AGBL4: variants seen among roughly 807,000 people sequenced by gnomAD.
The protein encoded by AGBL4 is cytosolic carboxypeptidase 6.
In AGBL4, 58 loss-of-function variants were observed where a neutral mutation model predicts 66.4. The ratio of observed to expected loss-of-function variants is 0.87; its 90% CI spans 0.71 to 1.09. AGBL4 has a LOEUF of 1.09. AGBL4 is among the 50% of genes least tolerant of loss of function. The pLI is 0.00. For missense variants in AGBL4, 579 were observed against 631.0 expected, an observed-to-expected ratio of 0.92 and a Z score of 0.88; for synonymous variants, 234 against 222.9, an observed-to-expected ratio of 1.05 and a Z score of -0.44.
Position 49,433,203 on chromosome 1 carries a change from C to T in AGBL4, c.283-187339G>A, listed in dbSNP as rs139121514. On this transcript the variant is annotated intron_variant, in intron 3 of 13. Coordinates refer to ENST00000371839, the MANE Select transcript of AGBL4 (RefSeq NM_032785.4). ...GTGTTTTCCCAAGTTTTGTGAGCCA[C>T]TCTAGGAAATTAACCAAACCCAAAG... Among the ~76,000 whole-genome samples the T allele has an allele frequency of 3.8e-3, 572 of 152,218 alleles. 1 individual carries two copies. Among genetic ancestry groups the T allele is most frequent in the African/African-American group, 0.013 (533 of 41,530 alleles).
chr1:49,170,613 G>C (rs1173732457), intron 4 of AGBL4, among the ~76,000 whole-genome samples: 1 of 146,666 alleles, frequency 6.8e-6, no homozygotes, highest in Non-Finnish European at 1.5e-5. Flanking sequence ...ATATATTAAT[G>C]TGTATATATT....
chr1:49,039,904 C>T lies in AGBL4; in HGVS notation c.594+5680G>A, dbSNP rs187918949. ...GCCAAAATCAAAAACACTGACAACA[C>T]TAAATGCTGGCAAGGATTTGGTGCA... On this transcript the variant is annotated intron_variant, in intron 5 of 13. Coordinates refer to ENST00000371839, the MANE Select transcript of AGBL4 (RefSeq NM_032785.4). 3.5e-4 allele frequency among the ~76,000 whole-genome samples: 53 copies of T among 152,122 alleles called. No individual in the cohort carries two copies. In the South Asian group the frequency reaches 4.1e-3, roughly 12 times the overall value.
chr1:49,639,536 G>C (rs996442052), intron 3 of AGBL4, among the ~76,000 whole-genome samples: 8 of 152,286 alleles, frequency 5.3e-5, no homozygotes, highest in Non-Finnish European at 1.0e-4. Context: ...TAGTTAATAA[G>C]TGGTAGAGCC....
At chr1:49,458,693 C>T (rs1407372918) in intron 3 of AGBL4, among the ~76,000 whole-genome samples, 2 of 151,740 alleles carry the variant, frequency 1.3e-5, no homozygotes, top group African/African-American at 2.4e-5. Context: ...GTGTGTTTGT[C>T]ATGAATGGCT....
chr1:49,879,844 G>A (rs1227818621), intron 1 of AGBL4, among the ~76,000 whole-genome samples: 2 of 71,282 alleles, frequency 2.8e-5, no homozygotes, highest in Non-Finnish European at 5.6e-5. Flanking sequence ...ATATTTCTTG[G>A]AGGCTTTGCT....
intron 5 of AGBL4, among the ~76,000 whole-genome samples, chr1:48,871,764 G>T (rs1384891844): frequency 6.6e-6 from 1 of 151,994 alleles, no homozygotes; most frequent in Non-Finnish European, 1.5e-5. Context: ...TGTCTATAGT[G>T]GATGCTTGAG....
intron 3 of AGBL4, among the ~76,000 whole-genome samples, chr1:49,360,731 G>A (rs1490281324): frequency 6.6e-6 from 1 of 152,078 alleles, no homozygotes; most frequent in African/African-American, 2.4e-5. Flanking sequence ...ATGAACATAG[G>A]TATTATTTTT....
chr1:49,520,254 T>C (rs1650151258), intron 3 of AGBL4, among the ~76,000 whole-genome samples: 2 of 152,016 alleles, frequency 1.3e-5, no homozygotes, highest in Admixed American at 1.3e-4. Flanking sequence ...GCTCAGATCC[T>C]AAGGGCTTTC....
At chr1:49,414,101 A>G (rs1645375925) in intron 3 of AGBL4, among the ~76,000 whole-genome samples, 1 of 152,172 alleles carries the variant, frequency 6.6e-6, no homozygotes, top group Non-Finnish European at 1.5e-5. Context: ...AATTATCCTT[A>G]AGGTTCTATA....
chr1:49,401,042 A>G (rs1033376200), intron 3 of AGBL4, among the ~76,000 whole-genome samples: 1 of 152,146 alleles, frequency 6.6e-6, no homozygotes, highest in Non-Finnish European at 1.5e-5. Context: ...GTTATCAAAT[A>G]CTTTTTCAGC....
intron 2 of AGBL4, among the ~76,000 whole-genome samples, chr1:49,765,073 A>C (rs909113620): frequency 1.3e-5 from 2 of 152,092 alleles, no homozygotes; most frequent in African/African-American, 2.4e-5. Flanking sequence ...GCCTGTGCTC[A>C]CCATCAGGGT....
At chr1:49,449,157 G>A (rs545413813) in intron 3 of AGBL4, among the ~76,000 whole-genome samples, 2 of 152,084 alleles carry the variant, frequency 1.3e-5, no homozygotes, top group East Asian at 1.9e-4. Context: ...TGAGTAAACT[G>A]AGGCTCAGAT....
rs71059571 is a variant in AGBL4 at position 50,019,263 on chromosome 1, TTCTCTCTC to T, written c.34+4492_34+4499del. 6.0e-3 allele frequency among the ~76,000 whole-genome samples: 499 copies of T among 83,654 alleles called. 4 individuals are homozygous for T. Among genetic ancestry groups the T allele is most frequent in the Middle Eastern group, 8.2e-3 (1 of 122 alleles). The allele number at this position is 83,654 out of a possible 152,430, so 54.9% of individuals were successfully genotyped here. ...TCCTATGCCTTTAGGAAAAAAAATA[TTCTCTCTC>T]TCTCTCTCTCTCTCTCTCTCTCTCT... On this transcript the variant is annotated intron_variant, in intron 1 of 13. Transcript: ENST00000371839.
intron 6 of AGBL4, among the ~76,000 whole-genome samples, chr1:48,822,224 C>T (rs1275059272): frequency 6.6e-6 from 1 of 152,138 alleles, no homozygotes; most frequent in Non-Finnish European, 1.5e-5. Flanking sequence ...ACAAAAAAGA[C>T]TTGTTCAAGA....
chr1:49,547,113 C>A (rs1162984477), intron 3 of AGBL4, among the ~76,000 whole-genome samples: 1 of 152,156 alleles, frequency 6.6e-6, no homozygotes, highest in East Asian at 1.9e-4. Context: ...CCAATGTTAT[C>A]CTCTATAATT....
At chr1:48,625,973 C>G (rs1396115286) in intron 9 of AGBL4, among the ~76,000 whole-genome samples, 1 of 152,204 alleles carries the variant, frequency 6.6e-6, no homozygotes, top group Non-Finnish European at 1.5e-5. Flanking sequence ...CCATCTCGAA[C>G]TGCTGTAGGA....
At chr1:48,583,853 G>T (rs146386721) in intron 11 of AGBL4, 2 of 144,798 alleles carry the variant, frequency 1.4e-5, no homozygotes, top group Non-Finnish European at 3.0e-5. Flanking sequence ...TGAAATGAGA[G>T]TTTTTTTTTT....
intron 3 of AGBL4, among the ~76,000 whole-genome samples, chr1:49,531,069 C>T (rs556336996): frequency 4.5e-4 from 69 of 152,198 alleles, no homozygotes; most frequent in African/African-American, 1.6e-3. Context: ...CACAGTTTGC[C>T]TCTAAATTAT....
intron 5 of AGBL4, among the ~76,000 whole-genome samples, chr1:48,983,418 G>A (rs535851666): frequency 2.6e-5 from 4 of 152,242 alleles, no homozygotes; most frequent in East Asian, 1.9e-4. Flanking sequence ...CACTCAACTT[G>A]TATGGAGATA....
Sources: gnomAD v4.1 joint callset for allele counts (sites outside exome capture counted in the v4.1 genomes callset) on GRCh38, gnomAD v4.1.1 for gene constraint, MANE v1.5 for transcripts, NCBI Gene and HGNC (gene_info 2026-07-23, HGNC 2026-07-21) for gene names.